The following UNC13C variants were observed in gnomAD, a reference collection of about 807,000 sequenced individuals.
UNC13C encodes the protein unc-13 homolog C.
A neutral mutation model predicts 245.4 loss-of-function variants in UNC13C; 174 were observed. The observed-to-expected ratio is 0.71, with a 90% CI of 0.63 to 0.80. The LOEUF (loss-of-function observed/expected upper bound fraction) is 0.80. Ranked by LOEUF, UNC13C falls within the 30% of genes least tolerant of loss-of-function variation. UNC13C has a pLI of 0.00. For missense variants in UNC13C, 2,829 were observed against 2,602.9 expected (o/e 1.09, Z -1.89); for synonymous variants, 992 against 895.1 (o/e 1.11, Z -1.93).
intron 4 of UNC13C, among the ~76,000 whole-genome samples, chr15:54,173,019 C>A (rs1232366715): frequency 6.6e-6 from 1 of 151,614 alleles, no homozygotes; most frequent in Non-Finnish European, 1.5e-5. Flanking sequence ...TATCTTGGCA[C>A]TTCTGTTGAG....
At chr15:54,260,972 A>G (rs988198784) in intron 8 of UNC13C, among the ~76,000 whole-genome samples, 7 of 152,112 alleles carry the variant, frequency 4.6e-5, no homozygotes, top group African/African-American at 1.7e-4. Flanking sequence ...TAATTGTCCC[A>G]TTAAATTACG....
chr15:54,321,932 C>A lies in UNC13C; in HGVS notation c.4269-7C>A. 1.3e-6 allele frequency: 2 copies of A among 1,556,186 alleles called. No homozygotes were observed. Among genetic ancestry groups the A allele is most frequent in the South Asian group, 1.2e-5 (1 of 82,820 alleles). On this transcript the variant is annotated splice_region_variant and splice_polypyrimidine_tract_variant and intron_variant, in intron 13 of 32. Transcript: ENST00000260323. ...CTTAAAAACACTTTATGTTTTTTGT[C>A]TTTCAGGCACTTTTCATGTCTGTCT...
rs112031214 is a variant in UNC13C at position 54,296,367 on chromosome 15, A to ATT, written c.3989-1430_3989-1429dup. ...AGGCGCCTGCAACCACGGCCGGCTA[A>ATT]TTTTTTTTTTTTTTTATTTTTTTTT... is the stretch of plus-strand genomic sequence containing the variant. On this transcript the variant is annotated intron_variant, in intron 11 of 32. Coordinates refer to ENST00000260323, the MANE Select transcript of UNC13C (RefSeq NM_001080534.3). Among the ~76,000 whole-genome samples the ATT allele has an allele frequency of 5.1e-4, 50 of 98,800 alleles. 1 individual carries two copies. The highest frequency in any genetic ancestry group is 4.7e-3 in the Middle Eastern group (1 of 212). The allele number at this position is 98,800 out of a possible 152,430, so 64.8% of individuals were successfully genotyped here.
chr15:54,120,555 A>G (rs368415487), intron 2 of UNC13C, among the ~76,000 whole-genome samples: 1 of 152,278 alleles, frequency 6.6e-6, no homozygotes, highest in Admixed American at 6.5e-5. Context: ...CCCATGGATC[A>G]GGGAGTAATT....
chr15:54,347,240 C>T (rs575981530), intron 17 of UNC13C, among the ~76,000 whole-genome samples: 196 of 152,240 alleles, frequency 1.3e-3, no homozygotes, highest in African/African-American at 4.6e-3. Flanking sequence ...GTGGAAACCA[C>T]TCAGCGAAAG....
chr15:53,908,629 C>G, the UNC13C span, among the ~76,000 whole-genome samples: 2 of 143,594 alleles, frequency 1.4e-5, 1 homozygote, highest in South Asian at 4.8e-4. Flanking sequence ...GTGATGTGCA[C>G]CTGTAGTCCC....
At chr15:53,839,768 G>C in the UNC13C span, among the ~76,000 whole-genome samples, 1 of 151,626 alleles carries the variant, frequency 6.6e-6, no homozygotes, top group Non-Finnish European at 1.5e-5. Context: ...TCATTGGATT[G>C]ATCATTGTTG....
At chr15:53,889,226 T>C in the UNC13C span, among the ~76,000 whole-genome samples, 183 of 152,350 alleles carry the variant, frequency 1.2e-3, no homozygotes, top group African/African-American at 4.3e-3. Context: ...TCTTATTTCC[T>C]TGAGCAGTAG....
At chr15:54,444,426 A>G (rs1208626317) in intron 19 of UNC13C, among the ~76,000 whole-genome samples, 1 of 151,766 alleles carries the variant, frequency 6.6e-6, no homozygotes, top group Non-Finnish European at 1.5e-5. Context: ...AGATAACAGG[A>G]AAAGTGATCT....
At position 54,157,799 on chromosome 15, in the gene UNC13C, A is replaced by T. The variant is rs180926199; in HGVS notation, c.3071+14115A>T. The stretch of plus-strand genomic sequence containing the variant: ...AGAGCCCTCAGAAATAATACCACAC[A>T]TCTACAAACATCTGATCTTTGACAA... On this transcript the variant is annotated intron_variant, in intron 4 of 32. Transcript: ENST00000260323. Among the ~76,000 whole-genome samples the T allele has an allele frequency of 4.1e-3, 632 of 152,310 alleles. 7 individuals carry two copies. Among genetic ancestry groups the T allele is most frequent in the African/African-American group, 0.015 (608 of 41,560 alleles).
the UNC13C span, among the ~76,000 whole-genome samples, chr15:53,919,239 G>A: frequency 6.6e-6 from 1 of 152,166 alleles, no homozygotes; most frequent in African/African-American, 2.4e-5. Context: ...TAATTAAAAA[G>A]TGGGGGTTAA....
intron 13 of UNC13C, among the ~76,000 whole-genome samples, chr15:54,309,406 G>T: frequency 6.6e-6 from 1 of 151,592 alleles, no homozygotes; most frequent in Non-Finnish European, 1.5e-5. Flanking sequence ...GGATATTAAC[G>T]CTTTATTAAA....
chr15:53,839,043 T>C, the UNC13C span, among the ~76,000 whole-genome samples: 3 of 152,150 alleles, frequency 2.0e-5, no homozygotes, highest in African/African-American at 7.2e-5. Flanking sequence ...TCTTTAGCTA[T>C]GAGCTTTTCT....
intron 4 of UNC13C, among the ~76,000 whole-genome samples, chr15:54,167,421 G>C (rs1383292099): frequency 6.8e-6 from 1 of 147,814 alleles, no homozygotes; most frequent in African/African-American, 2.5e-5. Flanking sequence ...AGAATGGCGT[G>C]AACCCGGGAG....
chr15:54,485,260 T>C (rs1003471688), intron 19 of UNC13C, among the ~76,000 whole-genome samples: 1 of 152,232 alleles, frequency 6.6e-6, no homozygotes, highest in Admixed American at 6.5e-5. Context: ...TTACATTCTT[T>C]CATCCATTTA....
chr15:54,596,888 G>A (rs1465705377), intron 30 of UNC13C, among the ~76,000 whole-genome samples: 2 of 152,144 alleles, frequency 1.3e-5, no homozygotes, highest in Non-Finnish European at 2.9e-5. Context: ...AGCTAGTGGT[G>A]CCATGCTTGT....
the UNC13C span, among the ~76,000 whole-genome samples, chr15:53,872,946 A>T: frequency 3.3e-5 from 5 of 152,030 alleles, no homozygotes; most frequent in Non-Finnish European, 7.4e-5. Context: ...TGGCTTTCAG[A>T]TTTTTGGTTG....
the UNC13C span, among the ~76,000 whole-genome samples, chr15:53,894,680 T>C: frequency 1.3e-5 from 2 of 152,218 alleles, no homozygotes; most frequent in Admixed American, 6.5e-5. Context: ...TAGACCCCCA[T>C]TTATTTATGT....
At chr15:54,099,858 G>A (rs1296714677) in intron 2 of UNC13C, among the ~76,000 whole-genome samples, 1 of 152,082 alleles carries the variant, frequency 6.6e-6, no homozygotes, top group Non-Finnish European at 1.5e-5. Flanking sequence ...ACTTTGGGAG[G>A]CTGAGGCGGG....
Sources: allele counts gnomAD v4.1 joint callset (sites outside exome capture counted in the v4.1 genomes callset), GRCh38; gene constraint gnomAD v4.1.1; transcripts MANE v1.5; gene names NCBI Gene and HGNC (gene_info 2026-07-23, HGNC 2026-07-21).